EPB41L3: variants seen among roughly 807,000 people sequenced by gnomAD.
EPB41L3 encodes the protein erythrocyte membrane protein band 4.1 like 3.
Under a neutral mutation model 127.1 loss-of-function variants are expected in EPB41L3, and 57 were observed. The observed-to-expected ratio is 0.45, with a 90% CI of 0.36 to 0.56. EPB41L3 has a LOEUF of 0.56. Ranked by LOEUF, EPB41L3 falls within the 20% of genes least tolerant of loss-of-function variation. The probability of loss-of-function intolerance (pLI) is 0.00; values close to 1 mark genes in which losing one functional copy is unlikely to be tolerated. For missense variants in EPB41L3, 1,273 were observed against 1,372.2 expected, an observed-to-expected ratio of 0.93 and a Z score of 1.14; for synonymous variants, 572 against 549.5, an observed-to-expected ratio of 1.04 and a Z score of -0.57.
intron 1 of EPB41L3, among the ~76,000 whole-genome samples, chr18:5,501,654 T>C (rs139873100): frequency 2.6e-5 from 4 of 152,334 alleles, no homozygotes; most frequent in Admixed American, 6.5e-5. Context: ...ATCACAATTC[T>C]TACAGAGGGA....
intron 1 of EPB41L3, among the ~76,000 whole-genome samples, chr18:5,503,128 T>C (rs574579219): frequency 2.2e-4 from 34 of 152,362 alleles, no homozygotes; most frequent in Admixed American, 7.8e-4. Context: ...TAGAGATGAA[T>C]AGTAGTCAAA....
At chr18:5,620,974 GCT>G (rs2094854107) in intron 1 of EPB41L3, among the ~76,000 whole-genome samples, 4 of 152,150 alleles carry the variant, frequency 2.6e-5, no homozygotes, top group Admixed American at 2.6e-4. Flanking sequence ...AATTTCTTGA[GCT>G]TACAAGTTGG....
chr18:5,580,423 C>T (rs1056353633), intron 3 of EPB41L3, among the ~76,000 whole-genome samples: 1 of 152,062 alleles, frequency 6.6e-6, no homozygotes, highest in African/African-American at 2.4e-5. Context: ...GATACATATA[C>T]ATACATGTAT....
intron 1 of EPB41L3, among the ~76,000 whole-genome samples, chr18:5,622,054 G>C (rs1019712453): frequency 6.6e-6 from 1 of 151,306 alleles, no homozygotes; most frequent in Non-Finnish European, 1.5e-5. Flanking sequence ...ATTTTGCTTT[G>C]GTTACTTTTT....
chr18:5,432,810 C>T (rs905559685), intron 8 of EPB41L3, among the ~76,000 whole-genome samples: 7 of 152,194 alleles, frequency 4.6e-5, no homozygotes, highest in African/African-American at 9.6e-5. Flanking sequence ...CACCAGTCAA[C>T]GAAGCAAACC....
At chr18:5,430,326 GCT>G (rs1300880774) in intron 8 of EPB41L3, among the ~76,000 whole-genome samples, 1 of 152,130 alleles carries the variant, frequency 6.6e-6, no homozygotes, top group Non-Finnish European at 1.5e-5. Flanking sequence ...GAGAGCAGGA[GCT>G]CTGTTTATCT....
intron 1 of EPB41L3, among the ~76,000 whole-genome samples, chr18:5,523,765 A>G (rs1006342208): frequency 6.6e-6 from 1 of 152,192 alleles, no homozygotes; most frequent in African/African-American, 2.4e-5. Flanking sequence ...AGCCTGGGCA[A>G]TAAGAGTAAA....
chr18:5,573,914 T>A (rs555356357), intron 3 of EPB41L3, among the ~76,000 whole-genome samples: 1,456 of 129,206 alleles, frequency 0.011, 24 homozygotes, highest in African/African-American at 0.047. Context: ...TATATATACC[T>A]TTTTTTTTTT....
intron 15 of EPB41L3, chr18:5,407,468 A>G: frequency 3.5e-6 from 2 of 565,966 alleles, no homozygotes; most frequent in Non-Finnish European, 6.3e-6. Context: ...TTTGACATAC[A>G]CATTTTCACC....
At chr18:5,486,677 T>C (rs924284557) in intron 2 of EPB41L3, among the ~76,000 whole-genome samples, 2 of 152,106 alleles carry the variant, frequency 1.3e-5, no homozygotes, top group Non-Finnish European at 2.9e-5. Context: ...TCTGAACAGA[T>C]ATTTCTCAAA....
intron 3 of EPB41L3, among the ~76,000 whole-genome samples, chr18:5,472,049 A>G (rs11664867): frequency 0.69 from 104,527 of 151,946 alleles, 36,141 homozygotes; most frequent in East Asian, 0.8. Flanking sequence ...TGATATATAC[A>G]CTCACATTTT....
chr18:5,620,323 T>C (rs183818893), intron 1 of EPB41L3, among the ~76,000 whole-genome samples: 2 of 152,324 alleles, frequency 1.3e-5, no homozygotes, highest in East Asian at 3.9e-4. Flanking sequence ...TCTAACTGTA[T>C]ACTACAGAGA....
intron 3 of EPB41L3, among the ~76,000 whole-genome samples, chr18:5,585,500 T>C (rs1440290513): frequency 1.3e-5 from 2 of 152,074 alleles, no homozygotes; most frequent in Non-Finnish European, 2.9e-5. Context: ...GACGGGGTTT[T>C]GCCATGTTGG....
At chr18:5,398,342 C>T (rs375746144) in intron 16 of EPB41L3, 199 bp from the exon 17 acceptor site, 39 of 631,536 alleles carry the variant, frequency 6.2e-5, no homozygotes, top group Middle Eastern at 4.2e-4. Context: ...AAAGCAGAGA[C>T]GGTTATTAGG....
At chr18:5,538,181 A>C (rs904777072) in intron 1 of EPB41L3, among the ~76,000 whole-genome samples, 3 of 152,220 alleles carry the variant, frequency 2.0e-5, no homozygotes, top group Non-Finnish European at 4.4e-5. Flanking sequence ...AGGTGTTCCC[A>C]AAAATTCTTA....
intron 1 of EPB41L3, among the ~76,000 whole-genome samples, chr18:5,525,545 G>A (rs2093188519): frequency 6.6e-6 from 1 of 152,142 alleles, no homozygotes; most frequent in Admixed American, 6.6e-5. Flanking sequence ...ATATTAGTAA[G>A]TTACTGAGCT....
intron 9 of EPB41L3, among the ~76,000 whole-genome samples, chr18:5,427,990 G>A (rs1429727078): frequency 2.0e-5 from 3 of 152,024 alleles, no homozygotes; most frequent in Admixed American, 6.6e-5. Context: ...TGTGATCCAC[G>A]CCCCCACCCC....
chr18:5,408,228 C>T (rs1359082111), intron 14 of EPB41L3, among the ~76,000 whole-genome samples: 2 of 151,812 alleles, frequency 1.3e-5, no homozygotes, highest in African/African-American at 2.4e-5. Flanking sequence ...ACAGAGGTTC[C>T]CACATTTTAA....
rs147250389 is a variant in EPB41L3, at chr18:5,569,456, C to T, written c.-306+42884G>A. On this transcript the variant is annotated intron_variant, in intron 3 of 21. Coordinates refer to the EPB41L3 transcript ENST00000545076. ...AAAGTAGTCCCCCTAATTAGAGATA[C>T]CCCCATTGTGAATGAGCAGCCACAT... Among the ~76,000 whole-genome samples the T allele has an allele frequency of 6.4e-3, 975 of 152,156 alleles. 5 individuals carry two copies. Among genetic ancestry groups the T allele is most frequent in the Non-Finnish European group, 0.011 (732 of 67,998 alleles).
Sources: gnomAD v4.1 joint callset for allele counts (sites outside exome capture counted in the v4.1 genomes callset) on GRCh38, gnomAD v4.1.1 for gene constraint, MANE v1.5 for transcripts, NCBI Gene and HGNC (gene_info 2026-07-23, HGNC 2026-07-21) for gene names.